The following HTR2C variants were observed in gnomAD, a reference collection of about 807,000 sequenced individuals.
HTR2C encodes the protein 5-hydroxytryptamine (serotonin) receptor 2C, G protein-coupled.
In HTR2C, 5 loss-of-function variants were observed where a neutral mutation model predicts 21.0. The observed-to-expected ratio is 0.24, with a 90% CI of 0.12 to 0.50. HTR2C has a LOEUF of 0.50. Ranked by LOEUF, HTR2C falls within the 20% of genes least tolerant of loss-of-function variation. The pLI, the probability that HTR2C is intolerant of heterozygous loss-of-function variation, is 0.98. For missense variants in HTR2C, 271 were observed against 371.2 expected (o/e 0.73, Z 2.22); for synonymous variants, 150 against 145.3 (o/e 1.03, Z -0.23).
intron 4 of HTR2C, among the ~76,000 whole-genome samples, chrX:114,734,463 G>A (rs2069567781): frequency 9.5e-6 from 1 of 105,795 alleles, no homozygotes; most frequent in African/African-American, 3.5e-5. Context: ...AGATAAATCT[G>A]AGACACTGGA....
chrX:114,747,052 T>C (rs1448596275), intron 4 of HTR2C, among the ~76,000 whole-genome samples: 1 of 111,099 alleles, frequency 9.0e-6, no homozygotes, highest in Admixed American at 9.5e-5. Flanking sequence ...TGAGTGCCTG[T>C]AACCCCATCT....
At chrX:114,863,397 G>A (rs928769309) in intron 5 of HTR2C, among the ~76,000 whole-genome samples, 7 of 111,248 alleles carry the variant, frequency 6.3e-5, no homozygotes, top group Non-Finnish European at 1.1e-4. Context: ...TGACCCATTG[G>A]TTGTTCAGAA....
chrX:114,836,526 C>G (rs1008154515), intron 4 of HTR2C, among the ~76,000 whole-genome samples: 1 of 112,438 alleles, frequency 8.9e-6, no homozygotes, highest in South Asian at 3.7e-4. Flanking sequence ...TGACCCCTTG[C>G]GCTTCCCAAG....
At chrX:114,779,338 C>A (rs958831221) in intron 4 of HTR2C, among the ~76,000 whole-genome samples, 2 of 111,490 alleles carry the variant, frequency 1.8e-5, no homozygotes. Context: ...TTTGAAATTA[C>A]AGATAGTATG....
intron 4 of HTR2C, among the ~76,000 whole-genome samples, chrX:114,836,015 C>T (rs1285428473): frequency 6.5e-5 from 7 of 108,283 alleles, no homozygotes; most frequent in African/African-American, 2.3e-4. Flanking sequence ...AGTTAGGCTG[C>T]TCGGGGGTCA....
At chrX:114,786,469 A>G (rs1039030931) in intron 4 of HTR2C, among the ~76,000 whole-genome samples, 34 of 112,000 alleles carry the variant, frequency 3.0e-4, no homozygotes, top group African/African-American at 9.4e-4. Context: ...TGCCTTTAGT[A>G]ATACAATCAA....
intron 4 of HTR2C, among the ~76,000 whole-genome samples, chrX:114,747,865 C>G (rs2147363953): frequency 8.9e-6 from 1 of 112,191 alleles, no homozygotes; most frequent in East Asian, 2.8e-4. Flanking sequence ...GGATTTTTCT[C>G]CAGATGAGCC....
intron 2 of HTR2C, among the ~76,000 whole-genome samples, chrX:114,726,342 C>G (rs1283108276): frequency 8.9e-6 from 1 of 112,646 alleles, no homozygotes; most frequent in Non-Finnish European, 1.9e-5. Context: ...CTTGCACTTC[C>G]CAAGTGAGGC....
chrX:114,711,177 A>G (rs1556419145), intron 2 of HTR2C, among the ~76,000 whole-genome samples: 1 of 111,763 alleles, frequency 8.9e-6, no homozygotes, highest in Non-Finnish European at 1.9e-5. Flanking sequence ...TTGGACCAAA[A>G]TATTTTAGTA....
At chrX:114,791,383 G>T (rs1569494293) in intron 4 of HTR2C, among the ~76,000 whole-genome samples, 1 of 111,815 alleles carries the variant, frequency 8.9e-6, no homozygotes, top group Non-Finnish European at 1.9e-5. Context: ...AATTTTCTTA[G>T]TCGGTCTTTA....
intron 5 of HTR2C, among the ~76,000 whole-genome samples, chrX:114,857,789 A>G (rs1438961577): frequency 4.5e-5 from 5 of 110,883 alleles, no homozygotes; most frequent in Admixed American, 2.9e-4. Flanking sequence ...ATTCAAGAGG[A>G]TAACCTCCTC....
At chrX:114,749,226 A>G (rs1392542512) in intron 4 of HTR2C, among the ~76,000 whole-genome samples, 1 of 109,426 alleles carries the variant, frequency 9.1e-6, no homozygotes, top group Non-Finnish European at 1.9e-5. Flanking sequence ...AGGCAGGAGG[A>G]TCGCTTGAGC....
chrX:114,806,955 A>T (rs1431915989), intron 4 of HTR2C, among the ~76,000 whole-genome samples: 1 of 95,402 alleles, frequency 1.0e-5, no homozygotes, highest in Non-Finnish European at 2.1e-5. Context: ...CATATATACC[A>T]TATGTATATA....
At chrX:114,707,811 A>G (rs1487165179) in intron 2 of HTR2C, among the ~76,000 whole-genome samples, 1 of 110,569 alleles carries the variant, frequency 9.0e-6, no homozygotes, top group Non-Finnish European at 1.9e-5. Context: ...CTACCATTTC[A>G]GTTTTAGTCC....
intron 2 of HTR2C, among the ~76,000 whole-genome samples, chrX:114,648,761 G>A (rs781912243): frequency 3.3e-3 from 366 of 111,514 alleles, no homozygotes; most frequent in African/African-American, 0.011. Context: ...CAGATTGTTG[G>A]TGTCATCATC....
chrX:114,767,440 T>G (rs1188234506), intron 4 of HTR2C, among the ~76,000 whole-genome samples: 3 of 110,634 alleles, frequency 2.7e-5, no homozygotes, highest in Admixed American at 9.7e-5. Context: ...TAGAGGCATT[T>G]GATATTCATT....
rs1232553809 is a variant in HTR2C, at chrX:114,887,220, A to G, written c.551-19369A>G. On this transcript the variant is annotated intron_variant, in intron 5 of 5. Transcript: ENST00000276198. ...GCTGGGTAGATGACGCTGTAGAGGT[A>G]TTTTTTTGTGTGAAGTTGTAATGCT... Among the ~76,000 whole-genome samples, 3 of 111,500 alleles carry G rather than the reference A, an allele frequency of 2.7e-5. No homozygotes were observed. The East Asian group carries it at 8.5e-4, about 31-fold the overall frequency.
In HTR2C at chrX:114,716,997, C is replaced by CTA. The variant is rs1933011798; in HGVS notation, c.-79-9857_-79-9856dup. 2.7e-5 allele frequency among the ~76,000 whole-genome samples: 3 copies of CTA among 111,088 alleles called. No individual in the cohort carries two copies. The Admixed American group carries it at 2.9e-4, about 11-fold the overall frequency. Reference sequence around the variant, plus strand: ...CTGAAAATTGATAAAAATCAAACTTCTATATGTATTATTATTTATTCAATT... The same window carrying CTA: ...CTGAAAATTGATAAAAATCAAACTTCTATATATGTATTATTATTTATTCAATT... On this transcript the variant is annotated intron_variant, in intron 2 of 5. Transcript: ENST00000276198.
chrX:114,762,956 A>C (rs1556433083), intron 4 of HTR2C, among the ~76,000 whole-genome samples: 1 of 112,295 alleles, frequency 8.9e-6, no homozygotes, highest in Admixed American at 9.4e-5. Flanking sequence ...TCTAGAAGTC[A>C]CCAGTGGTTC....
Sources: allele counts gnomAD v4.1 joint callset (sites outside exome capture counted in the v4.1 genomes callset), GRCh38; gene constraint gnomAD v4.1.1; transcripts MANE v1.5; gene names NCBI Gene and HGNC (gene_info 2026-07-23, HGNC 2026-07-21).